CNTN1: variants seen among roughly 807,000 people sequenced by gnomAD.
CNTN1 encodes contactin 1.
Under a neutral mutation model 126.4 loss-of-function variants are expected in CNTN1, and 38 were observed. That is an observed-to-expected ratio of 0.30 (90% confidence interval 0.23 to 0.39). The LOEUF is 0.39. Ranked by LOEUF, CNTN1 falls within the 10% of genes least tolerant of loss-of-function variation. The probability of loss-of-function intolerance (pLI) is 1.00; values close to 1 mark genes in which losing one functional copy is unlikely to be tolerated. For synonymous variants in CNTN1, 413 were observed against 422.6 expected, an observed-to-expected ratio of 0.98 and a Z score of 0.28; for missense variants, 1,009 against 1,248.4, an observed-to-expected ratio of 0.81 and a Z score of 2.89.
chr12:40,947,013 A>C (rs1398572013), intron 14 of CNTN1, among the ~76,000 whole-genome samples: 3 of 152,058 alleles, frequency 2.0e-5, no homozygotes, highest in Admixed American at 2.0e-4. Flanking sequence ...GTACATTTTT[A>C]AAGATGTATA....
chr12:40,991,991 G>A (rs11179347), intron 16 of CNTN1, among the ~76,000 whole-genome samples: 4 of 152,042 alleles, frequency 2.6e-5, no homozygotes, highest in Non-Finnish European at 4.4e-5. Flanking sequence ...AACAGTTTCC[G>A]ATTTGGTGTG....
intron 1 of CNTN1, among the ~76,000 whole-genome samples, chr12:40,756,007 G>T (rs1447977570): frequency 1.3e-5 from 2 of 152,084 alleles, no homozygotes; most frequent in Non-Finnish European, 2.9e-5. Flanking sequence ...TGATTATATG[G>T]TGTGTTTTGT....
chr12:40,847,000 T>C (rs756910638), intron 1 of CNTN1, among the ~76,000 whole-genome samples: 3 of 152,126 alleles, frequency 2.0e-5, no homozygotes, highest in Non-Finnish European at 4.4e-5. Context: ...CCTGAGTAGC[T>C]GGGGTTACGG....
chr12:40,724,274 T>G (rs2121230899), intron 1 of CNTN1, among the ~76,000 whole-genome samples: 1 of 152,294 alleles, frequency 6.6e-6, no homozygotes, highest in South Asian at 2.1e-4. Flanking sequence ...GGTCAGATTC[T>G]GCCATATTCT....
intron 17 of CNTN1, among the ~76,000 whole-genome samples, chr12:41,007,449 T>C (rs1303366335): frequency 6.6e-6 from 1 of 152,174 alleles, no homozygotes. Context: ...CCCTGGGGTT[T>C]GTCATCTTGC....
At chr12:40,827,973 G>C (rs1423282179) in intron 1 of CNTN1, 3 of 152,144 alleles carry the variant, frequency 2.0e-5, no homozygotes, top group African/African-American at 7.2e-5. Flanking sequence ...GCAGTGAAAT[G>C]CTTAATATTT....
intron 1 of CNTN1, among the ~76,000 whole-genome samples, chr12:40,835,460 C>T (rs1371788077): frequency 2.0e-5 from 3 of 152,118 alleles, no homozygotes; most frequent in Admixed American, 6.5e-5. Flanking sequence ...TTAAAATTCA[C>T]ATTCTTTTTA....
At chr12:41,005,273 C>T (rs1948461839) in intron 17 of CNTN1, among the ~76,000 whole-genome samples, 1 of 152,182 alleles carries the variant, frequency 6.6e-6, no homozygotes. Context: ...TCTCTTCTGG[C>T]TTGTAGGGCT....
intron 17 of CNTN1, among the ~76,000 whole-genome samples, chr12:40,996,976 A>C (rs1490250284): frequency 2.6e-5 from 4 of 152,344 alleles, no homozygotes; most frequent in South Asian, 4.1e-4. Context: ...CCCCAGCCTC[A>C]TTATGCTGAT....
chr12:40,793,446 G>A (rs929843615), intron 1 of CNTN1, among the ~76,000 whole-genome samples: 2 of 134,938 alleles, frequency 1.5e-5, no homozygotes, highest in East Asian at 2.2e-4. Flanking sequence ...TTTTGTCCCC[G>A]TCAGCACCTA....
At chr12:40,946,105 A>G (rs7303364) in intron 14 of CNTN1, among the ~76,000 whole-genome samples, 93,899 of 152,036 alleles carry the variant, frequency 0.62, 29,185 homozygotes, top group Middle Eastern at 0.69. Flanking sequence ...AAAATAAATA[A>G]TTAAACTGAA....
At chr12:40,997,096 T>C (rs1948237840) in intron 17 of CNTN1, among the ~76,000 whole-genome samples, 1 of 152,242 alleles carries the variant, frequency 6.6e-6, no homozygotes, top group African/African-American at 2.4e-5. Flanking sequence ...GACACGTGCA[T>C]TATAAAATGG....
intron 17 of CNTN1, 135 bp downstream of exon 17, chr12:40,993,404 T>G: frequency 1.4e-6 from 1 of 707,436 alleles, no homozygotes; most frequent in South Asian, 1.8e-5. Context: ...TGTATTTCAC[T>G]ATCAAGACAG....
chr12:40,830,789 G>GTGTGTA (rs1941786826), intron 1 of CNTN1, among the ~76,000 whole-genome samples: 1 of 46,982 alleles, frequency 2.1e-5, no homozygotes, highest in Non-Finnish European at 4.0e-5. Context: ...AGAAAGTATA[G>GTGTGTA]TGTATATATA....
intron 1 of CNTN1, among the ~76,000 whole-genome samples, chr12:40,707,863 C>G (rs1372068215): frequency 6.6e-6 from 1 of 151,994 alleles, no homozygotes; most frequent in Non-Finnish European, 1.5e-5. Flanking sequence ...TTTAGTCAAC[C>G]AAATTCTCAA....
intron 3 of CNTN1, among the ~76,000 whole-genome samples, chr12:40,912,943 A>G (rs1387885977): frequency 6.6e-6 from 1 of 152,150 alleles, no homozygotes; most frequent in Non-Finnish European, 1.5e-5. Flanking sequence ...ATATATTAGG[A>G]TGTAGTAAGA....
intron 4 of CNTN1, among the ~76,000 whole-genome samples, chr12:40,920,922 A>G (rs913236592): frequency 2.6e-5 from 4 of 152,194 alleles, no homozygotes; most frequent in Admixed American, 2.6e-4. Context: ...CATGTGGAGG[A>G]AGGTAAGATA....
At chr12:41,012,902 AC>A (rs1256336358) in intron 17 of CNTN1, among the ~76,000 whole-genome samples, 2 of 152,182 alleles carry the variant, frequency 1.3e-5, no homozygotes, top group East Asian at 3.9e-4. Flanking sequence ...TGGGGTATAT[AC>A]CCTGGGATTC....
intron 1 of CNTN1, among the ~76,000 whole-genome samples, chr12:40,897,667 A>C (rs1300636113): frequency 6.6e-6 from 1 of 152,218 alleles, no homozygotes; most frequent in Non-Finnish European, 1.5e-5. Flanking sequence ...TCGAATAAAA[A>C]GGAACAAAGC....
Sources: gnomAD v4.1 joint callset for allele counts (sites outside exome capture counted in the v4.1 genomes callset) on GRCh38, gnomAD v4.1.1 for gene constraint, MANE v1.5 for transcripts, NCBI Gene and HGNC (gene_info 2026-07-23, HGNC 2026-07-21) for gene names.